The following CA10 variants were observed in gnomAD, a reference collection of about 807,000 sequenced individuals.
CA10 encodes the protein carbonic anhydrase 10 (inactive), also known as carbonic anhydrase-related protein 10.
A neutral mutation model predicts 44.2 loss-of-function variants in CA10; 14 were observed. The observed-to-expected ratio is 0.32, with a 90% confidence interval of 0.21 to 0.50. The LOEUF (loss-of-function observed/expected upper bound fraction) is 0.50, where lower values mean the gene tolerates loss of function less well. CA10 is among the 20% of genes least tolerant of loss of function. The pLI, the probability that CA10 is intolerant of heterozygous loss-of-function variation, is 0.99. For synonymous variants in CA10, 159 were observed against 141.6 expected, an observed-to-expected ratio of 1.12 and a Z score of -0.87; for missense variants, 350 against 409.7, an observed-to-expected ratio of 0.85 and a Z score of 1.26.
At chr17:51,893,308 T>G (rs564743297) in intron 3 of CA10, among the ~76,000 whole-genome samples, 2 of 152,074 alleles carry the variant, frequency 1.3e-5, no homozygotes, top group African/African-American at 2.4e-5. Context: ...AGGGTTATAG[T>G]AAAGGGCAAT....
chr17:52,044,311 T>C (rs1340930768), intron 2 of CA10, among the ~76,000 whole-genome samples: 4 of 152,088 alleles, frequency 2.6e-5, no homozygotes, highest in Admixed American at 2.6e-4. Flanking sequence ...ATTTATTTTT[T>C]ATTTTTATTT....
intron 3 of CA10, among the ~76,000 whole-genome samples, chr17:51,875,021 C>G (rs1237704526): frequency 7.1e-6 from 1 of 141,594 alleles, no homozygotes; most frequent in Non-Finnish European, 1.5e-5. Flanking sequence ...CTTTGTTGCC[C>G]AGGCTGGAGT....
intron 3 of CA10, among the ~76,000 whole-genome samples, chr17:51,889,644 GC>G (rs1980770258): frequency 6.6e-6 from 1 of 152,168 alleles, no homozygotes; most frequent in African/African-American, 2.4e-5. Flanking sequence ...TTCATTGGGG[GC>G]CACCTTTGGA....
intron 3 of CA10, among the ~76,000 whole-genome samples, chr17:51,812,755 G>C (rs1464425274): frequency 6.6e-6 from 1 of 152,174 alleles, no homozygotes; most frequent in African/African-American, 2.4e-5. Flanking sequence ...TTGTAATGCT[G>C]TCCTGAGTCC....
At chr17:51,992,015 G>A (rs1752759818) in intron 2 of CA10, among the ~76,000 whole-genome samples, 1 of 151,868 alleles carries the variant, frequency 6.6e-6, no homozygotes, top group African/African-American at 2.4e-5. Context: ...ATACCAAGAA[G>A]TAAAACATCC....
At chr17:51,786,451 C>G (rs549563872) in intron 3 of CA10, among the ~76,000 whole-genome samples, 1 of 152,106 alleles carries the variant, frequency 6.6e-6, no homozygotes, top group East Asian at 1.9e-4. Flanking sequence ...ATTTGGGAGG[C>G]TGAAGTACAA....
chr17:51,681,551 G>A (rs1366132016), intron 4 of CA10, among the ~76,000 whole-genome samples: 5 of 152,130 alleles, frequency 3.3e-5, no homozygotes, highest in Non-Finnish European at 7.4e-5. Flanking sequence ...CTACCCACTA[G>A]AGACGCCAGT....
chr17:52,060,645 TAG>T (rs956025187), intron 2 of CA10, among the ~76,000 whole-genome samples: 1 of 152,072 alleles, frequency 6.6e-6, no homozygotes, highest in Non-Finnish European at 1.5e-5. Context: ...AGATCATGTC[TAG>T]AGAGAAGATA....
rs570134537 is a variant in CA10, at chr17:52,138,396, T to C, written c.61+19330A>G. Among the ~76,000 whole-genome samples the C allele has an allele frequency of 1.2e-4, 18 of 152,336 alleles. No individual in the cohort carries two copies. In the South Asian group the frequency reaches 3.5e-3, roughly 30 times the overall value. On this transcript the variant is annotated intron_variant, in intron 1 of 8. Coordinates refer to ENST00000451037, the MANE Select transcript of CA10 (RefSeq NM_020178.5). ...TAAAATAAACATATTCATAGGTTCCTGGCATTAGAATTAGGACACAAACAT... is the reference window on the plus strand; with the variant it reads ...TAAAATAAACATATTCATAGGTTCCCGGCATTAGAATTAGGACACAAACAT...
chr17:51,946,698 T>TA (rs1983286755), intron 2 of CA10, among the ~76,000 whole-genome samples: 1 of 152,202 alleles, frequency 6.6e-6, no homozygotes, highest in Admixed American at 6.5e-5. Flanking sequence ...CAATGCTCCT[T>TA]ACATTAAGTG....
intron 4 of CA10, among the ~76,000 whole-genome samples, chr17:51,727,577 G>T (rs1217070564): frequency 6.6e-6 from 1 of 152,104 alleles, no homozygotes; most frequent in African/African-American, 2.4e-5. Context: ...TCAGGAAGTG[G>T]GCAGTCCTTC....
chr17:51,899,864 C>A (rs1208804251), intron 3 of CA10, among the ~76,000 whole-genome samples: 1 of 151,464 alleles, frequency 6.6e-6, no homozygotes, highest in Non-Finnish European at 1.5e-5. Context: ...AATATCAACT[C>A]CTGATTTGTT....
At chr17:52,140,521 T>A (rs2143381404) in intron 1 of CA10, among the ~76,000 whole-genome samples, 1 of 152,322 alleles carries the variant, frequency 6.6e-6, no homozygotes, top group Non-Finnish European at 1.5e-5. Context: ...TATTATTTCC[T>A]CTTTTGATTT....
At chr17:51,661,404 G>A (rs1232524581) in intron 4 of CA10, among the ~76,000 whole-genome samples, 2 of 152,162 alleles carry the variant, frequency 1.3e-5, no homozygotes, top group Non-Finnish European at 1.5e-5. Flanking sequence ...ATTGGGCTGC[G>A]TGGGTTGCAA....
chr17:51,639,802 C>T (rs1254323883), intron 6 of CA10, among the ~76,000 whole-genome samples: 1 of 152,230 alleles, frequency 6.6e-6, no homozygotes, highest in East Asian at 1.9e-4. Context: ...CTTTGCTGCT[C>T]ACTCTCCGTG....
chr17:52,081,596 C>T (rs370400716), intron 1 of CA10, among the ~76,000 whole-genome samples: 19 of 151,898 alleles, frequency 1.3e-4, no homozygotes, highest in South Asian at 6.3e-4. Context: ...GTCAGGAGAT[C>T]GAGACCATCC....
chr17:51,940,682 A>C (rs996059520), intron 2 of CA10, among the ~76,000 whole-genome samples: 22 of 150,604 alleles, frequency 1.5e-4, no homozygotes, highest in African/African-American at 2.9e-4. Flanking sequence ...AGATAAACAA[A>C]AAAAAAAAAA....
chr17:51,734,182 G>A (rs541970755), intron 4 of CA10, among the ~76,000 whole-genome samples: 5 of 145,390 alleles, frequency 3.4e-5, no homozygotes, highest in Non-Finnish European at 7.6e-5. Flanking sequence ...TTTGGTTGGG[G>A]GGGGGGGGTT....
intron 4 of CA10, among the ~76,000 whole-genome samples, chr17:51,664,314 T>G (rs769402491): frequency 1.3e-5 from 2 of 152,134 alleles, no homozygotes; most frequent in Non-Finnish European, 2.9e-5. Context: ...AAGCCAAAAT[T>G]AATACTAGCT....
Sources: allele counts gnomAD v4.1 joint callset (sites outside exome capture counted in the v4.1 genomes callset), GRCh38; gene constraint gnomAD v4.1.1; transcripts MANE v1.5; gene names NCBI Gene and HGNC (gene_info 2026-07-23, HGNC 2026-07-21).